MYO3B: variants seen among roughly 807,000 people sequenced by gnomAD.
MYO3B encodes the protein myosin-IIIb.
Under a neutral mutation model 174.6 loss-of-function variants are expected in MYO3B, and 156 were observed. That is an observed-to-expected ratio of 0.89 (90% CI 0.78 to 1.02). The LOEUF (loss-of-function observed/expected upper bound fraction) is 1.02. MYO3B is among the 50% of genes least tolerant of loss of function. The pLI is 0.00. For synonymous variants in MYO3B, 563 were observed against 569.1 expected, an observed-to-expected ratio of 0.99 and a Z score of 0.15; for missense variants, 1,632 against 1,639.4, an observed-to-expected ratio of 1.00 and a Z score of 0.08.
intron 7 of MYO3B, among the ~76,000 whole-genome samples, chr2:170,326,075 C>T (rs901701020): frequency 6.6e-6 from 1 of 151,934 alleles, no homozygotes. Context: ...TTGGCTTTAA[C>T]TATACCCCGG....
intron 7 of MYO3B, among the ~76,000 whole-genome samples, chr2:170,279,396 C>G (rs1212935415): frequency 3.3e-5 from 5 of 151,926 alleles, no homozygotes; most frequent in Non-Finnish European, 7.4e-5. Flanking sequence ...TGATGTTGAG[C>G]ATTTTTTCAT....
intron 31 of MYO3B, among the ~76,000 whole-genome samples, chr2:170,543,240 C>T (rs929169874): frequency 1.3e-5 from 2 of 152,152 alleles, no homozygotes; most frequent in African/African-American, 4.8e-5. Context: ...TTTGTCTGTG[C>T]ACTCCACTCT....
intron 9 of MYO3B, among the ~76,000 whole-genome samples, chr2:170,372,132 AAAAAAAAAAAAAAC>A (rs1305170800): frequency 2.1e-5 from 3 of 142,662 alleles, no homozygotes; most frequent in Non-Finnish European, 4.5e-5. Flanking sequence ...AAAAAAAAAA[AAAAAAAAAAAAAAC>A]AACAACAACA....
chr2:170,491,093 T>A (rs551183212), intron 25 of MYO3B, among the ~76,000 whole-genome samples: 1 of 152,272 alleles, frequency 6.6e-6, no homozygotes, highest in Non-Finnish European at 1.5e-5. Flanking sequence ...TTTATTCTGC[T>A]TACTCTGGGT....
chr2:170,261,692 T>A (rs1487775985), intron 7 of MYO3B, among the ~76,000 whole-genome samples: 1 of 152,236 alleles, frequency 6.6e-6, no homozygotes, highest in Admixed American at 6.5e-5. Flanking sequence ...GGAAAATGCC[T>A]GGTTGTGGCA....
intron 6 of MYO3B, among the ~76,000 whole-genome samples, chr2:170,230,336 ATTTTTT>A (rs60171555): frequency 4.5e-4 from 29 of 64,720 alleles, no homozygotes; most frequent in African/African-American, 1.4e-3. Flanking sequence ...CGCCTGGCTA[ATTTTTT>A]TTTTTTTTTT....
chr2:170,471,352 G>A (rs916733136), intron 25 of MYO3B, among the ~76,000 whole-genome samples: 12 of 151,932 alleles, frequency 7.9e-5, no homozygotes, highest in African/African-American at 2.9e-4. Context: ...GCCTGGCCTG[G>A]GTTGTCTTCT....
chr2:170,444,571 G>C (rs2094826586), intron 23 of MYO3B, among the ~76,000 whole-genome samples: 1 of 152,184 alleles, frequency 6.6e-6, no homozygotes, highest in South Asian at 2.1e-4. Context: ...TTATCTTGAA[G>C]GTGTTGGAGT....
chr2:170,314,047 GCTCC>G (rs1215261280), intron 7 of MYO3B, among the ~76,000 whole-genome samples: 11 of 152,154 alleles, frequency 7.2e-5, no homozygotes, highest in Non-Finnish European at 1.6e-4. Flanking sequence ...AGGGGACTGT[GCTCC>G]CTCCCTACAG....
intron 1 of MYO3B, among the ~76,000 whole-genome samples, chr2:170,192,905 C>A (rs1431095800): frequency 2.0e-5 from 3 of 151,576 alleles, no homozygotes; most frequent in African/African-American, 7.2e-5. Flanking sequence ...TTTCAAATTT[C>A]ATTTTCTTGG....
chr2:170,570,056 C>T (rs968827240), intron 32 of MYO3B, among the ~76,000 whole-genome samples: 1 of 152,092 alleles, frequency 6.6e-6, no homozygotes, highest in African/African-American at 2.4e-5. Context: ...CCCAATTTAA[C>T]TAGAAGAGGG....
chr2:170,595,314 G>C (rs1694075825), intron 32 of MYO3B, among the ~76,000 whole-genome samples: 1 of 152,196 alleles, frequency 6.6e-6, no homozygotes, highest in African/African-American at 2.4e-5. Context: ...GGAGACATAA[G>C]TTGTCTGGTG....
intron 30 of MYO3B, among the ~76,000 whole-genome samples, chr2:170,530,880 C>G (rs1689312281): frequency 6.6e-6 from 1 of 152,162 alleles, no homozygotes; most frequent in African/African-American, 2.4e-5. Context: ...TATTAGCCTG[C>G]AGGGAGGGCA....
intron 2 of MYO3B, among the ~76,000 whole-genome samples, 157 bp from the exon 3 acceptor site, chr2:170,199,993 T>C (rs2092643263): frequency 6.6e-6 from 1 of 151,894 alleles, no homozygotes; most frequent in South Asian, 2.1e-4. Context: ...TGTAGATTGA[T>C]ATCTGAATGT....
chr2:170,418,411 T>C (rs748997030), intron 22 of MYO3B, among the ~76,000 whole-genome samples: 15 of 152,358 alleles, frequency 9.8e-5, no homozygotes, highest in African/African-American at 2.4e-4. Flanking sequence ...ATTTTCTCTT[T>C]GCAAAACTAG....
intron 7 of MYO3B, among the ~76,000 whole-genome samples, chr2:170,286,085 A>G (rs2105405218): frequency 6.6e-6 from 1 of 152,304 alleles, no homozygotes; most frequent in South Asian, 2.1e-4. Flanking sequence ...ATACCACACA[A>G]TTTGAATTAT....
In MYO3B at chr2:170,620,620, T is replaced by C. The variant is rs567328233; in HGVS notation, c.3734-31008T>C. Among the ~76,000 whole-genome samples the C allele has an allele frequency of 3.0e-4, 46 of 152,326 alleles. 4 individuals are homozygous for C. The South Asian group carries it at 9.5e-3, about 32-fold the overall frequency. ...TCACAAGACAGTAGGCAGCATGAGCTTCATGTTCCCATTGGTTACCCTTGT... is the reference window on the plus strand; with the variant it reads ...TCACAAGACAGTAGGCAGCATGAGCCTCATGTTCCCATTGGTTACCCTTGT... On this transcript the variant is annotated intron_variant, in intron 32 of 34. Coordinates refer to ENST00000408978, the MANE Select transcript of MYO3B (RefSeq NM_138995.5).
intron 22 of MYO3B, among the ~76,000 whole-genome samples, chr2:170,435,867 T>C (rs2094749805): frequency 6.6e-6 from 1 of 152,208 alleles, no homozygotes; most frequent in Non-Finnish European, 1.5e-5. Flanking sequence ...CTGAATTCTA[T>C]GTTTGATTAT....
At chr2:170,382,180 G>T in intron 10 of MYO3B, 68 bp downstream of exon 10, 11 of 1,297,492 alleles carry the variant, frequency 8.5e-6, no homozygotes, top group Non-Finnish European at 1.2e-5. Context: ...TGAACTTTCT[G>T]TTGTAGACCA....
Sources: allele counts gnomAD v4.1 joint callset (sites outside exome capture counted in the v4.1 genomes callset), GRCh38; gene constraint gnomAD v4.1.1; transcripts MANE v1.5; gene names NCBI Gene and HGNC (gene_info 2026-07-23, HGNC 2026-07-21).